The following ERBB4 variants were observed in gnomAD, a reference collection of about 807,000 sequenced individuals.
The protein encoded by ERBB4 is receptor tyrosine-protein kinase erbB-4.
In ERBB4, 42 loss-of-function variants were observed where a neutral mutation model predicts 158.0. The ratio of observed to expected loss-of-function variants is 0.27; its 90% CI spans 0.21 to 0.34. The LOEUF is 0.34. Among genes scored for constraint, ERBB4 ranks in the 10% least tolerant of loss-of-function variants. The pLI is 1.00. For missense variants in ERBB4, 1,333 were observed against 1,624.1 expected (o/e 0.82, Z 3.08); for synonymous variants, 583 against 558.7 (o/e 1.04, Z -0.61).
intron 1 of ERBB4, among the ~76,000 whole-genome samples, chr2:212,450,702 C>CA: frequency 6.6e-6 from 1 of 151,618 alleles, no homozygotes; most frequent in Admixed American, 6.6e-5. Context: ...ACACAGTCTT[C>CA]AAACCAGTAA....
intron 1 of ERBB4, among the ~76,000 whole-genome samples, chr2:212,517,425 T>G (rs1055779017): frequency 6.6e-6 from 1 of 152,074 alleles, no homozygotes; most frequent in Non-Finnish European, 1.5e-5. Flanking sequence ...TATATAGAAT[T>G]AAGGGACATG....
At chr2:211,831,314 A>G (rs939092840) in intron 3 of ERBB4, among the ~76,000 whole-genome samples, 2 of 152,166 alleles carry the variant, frequency 1.3e-5, no homozygotes, top group Non-Finnish European at 2.9e-5. Flanking sequence ...TGTTTTACTC[A>G]TGAAGGGTCA....
At chr2:211,415,443 T>C (rs1347847257) in intron 25 of ERBB4, among the ~76,000 whole-genome samples, 1 of 152,118 alleles carries the variant, frequency 6.6e-6, no homozygotes, top group African/African-American at 2.4e-5. Context: ...GAGAATGACA[T>C]CATTGTGTCT....
chr2:211,819,094 C>T (rs768620245), intron 3 of ERBB4, among the ~76,000 whole-genome samples: 3 of 152,008 alleles, frequency 2.0e-5, no homozygotes, highest in Non-Finnish European at 2.9e-5. Flanking sequence ...TGAACCTTGC[C>T]TAAAATCTTC....
At chr2:212,215,729 T>A (rs1442644998) in intron 1 of ERBB4, among the ~76,000 whole-genome samples, 1 of 151,462 alleles carries the variant, frequency 6.6e-6, no homozygotes, top group Non-Finnish European at 1.5e-5. Context: ...GAAATCCCTA[T>A]TAGCAATTTG....
At chr2:211,955,639 T>C (rs917365354) in intron 2 of ERBB4, among the ~76,000 whole-genome samples, 3 of 152,164 alleles carry the variant, frequency 2.0e-5, no homozygotes, top group Admixed American at 6.6e-5. Flanking sequence ...TCATAACAAG[T>C]AGCTGAATCT....
intron 4 of ERBB4, among the ~76,000 whole-genome samples, chr2:211,783,303 G>A (rs932773239): frequency 6.6e-6 from 1 of 152,206 alleles, no homozygotes; most frequent in Non-Finnish European, 1.5e-5. Flanking sequence ...ATATAATCAT[G>A]TCATCTGCAA....
intron 20 of ERBB4, among the ~76,000 whole-genome samples, chr2:211,535,447 T>C (rs2066618742): frequency 6.6e-6 from 1 of 152,084 alleles, no homozygotes; most frequent in Non-Finnish European, 1.5e-5. Flanking sequence ...TTAGGTATAT[T>C]ACCAAGTAGC....
chr2:212,038,898 TA>T (rs1259431358), intron 2 of ERBB4, among the ~76,000 whole-genome samples: 1 of 152,140 alleles, frequency 6.6e-6, no homozygotes, highest in Non-Finnish European at 1.5e-5. Context: ...AGAAGAAAAG[TA>T]AAGTAAAAAT....
At chr2:211,994,737 A>G (rs894518943) in intron 2 of ERBB4, among the ~76,000 whole-genome samples, 22 of 152,192 alleles carry the variant, frequency 1.4e-4, no homozygotes, top group African/African-American at 5.3e-4. Flanking sequence ...CTCAAAGCAC[A>G]GTCCAAAGAA....
chr2:211,532,563 C>T (rs1231113850), intron 20 of ERBB4, among the ~76,000 whole-genome samples: 4 of 152,008 alleles, frequency 2.6e-5, no homozygotes, highest in African/African-American at 7.2e-5. Flanking sequence ...GTTAAACATT[C>T]GGTCCTTAGT....
chr2:211,856,761 C>T (rs904030225), intron 3 of ERBB4, among the ~76,000 whole-genome samples: 13 of 152,194 alleles, frequency 8.5e-5, no homozygotes, highest in Non-Finnish European at 1.6e-4. Flanking sequence ...ATTTCCATGG[C>T]TTATCTCATT....
chr2:211,504,845 G>A (rs547230754), intron 20 of ERBB4, among the ~76,000 whole-genome samples: 3 of 152,162 alleles, frequency 2.0e-5, no homozygotes, highest in African/African-American at 7.2e-5. Flanking sequence ...AGACAAAGCA[G>A]AAAAAGGAAT....
intron 1 of ERBB4, among the ~76,000 whole-genome samples, chr2:212,530,778 C>A (rs1440125515): frequency 6.6e-6 from 1 of 152,036 alleles, no homozygotes; most frequent in Non-Finnish European, 1.5e-5. Flanking sequence ...GCACATGGGA[C>A]CAGGAGTAAG....
intron 20 of ERBB4, among the ~76,000 whole-genome samples, chr2:211,511,538 T>C (rs2065885791): frequency 6.6e-6 from 1 of 152,054 alleles, no homozygotes; most frequent in South Asian, 2.1e-4. Context: ...TTGAGCCATA[T>C]CAACCCTAAT....
rs190612704 is a variant in ERBB4 at position 211,612,849 on chromosome 2, T to G, written c.2301+6328A>C. ...AAGAAGAGGAAATTGTCCAGATGTG[T>G]TTTTGGCATAGAATCAAAGCATTTA... On this transcript the variant is annotated intron_variant, in intron 19 of 27. Transcript: ENST00000342788. Among the ~76,000 whole-genome samples the G allele has an allele frequency of 3.0e-3, 458 of 152,174 alleles. 3 individuals are homozygous for G. Among genetic ancestry groups the G allele is most frequent in the Non-Finnish European group, 2.4e-3 (164 of 67,974 alleles).
At chr2:211,958,765 C>T (rs1489583731) in intron 2 of ERBB4, among the ~76,000 whole-genome samples, 1 of 152,100 alleles carries the variant, frequency 6.6e-6, no homozygotes, top group East Asian at 1.9e-4. Flanking sequence ...ATAACATTCT[C>T]TTTCTAAGGT....
chr2:212,515,143 T>C (rs1691750394), intron 1 of ERBB4, among the ~76,000 whole-genome samples: 1 of 152,218 alleles, frequency 6.6e-6, no homozygotes. Context: ...TGGTTATGTG[T>C]GCATATGGCT....
At chr2:212,245,711 A>G (rs1056075528) in intron 1 of ERBB4, among the ~76,000 whole-genome samples, 4 of 152,100 alleles carry the variant, frequency 2.6e-5, no homozygotes, top group Non-Finnish European at 4.4e-5. Context: ...AACAACTGTC[A>G]ATGTTCCTAT....
Sources: allele counts gnomAD v4.1 joint callset (sites outside exome capture counted in the v4.1 genomes callset), GRCh38; gene constraint gnomAD v4.1.1; transcripts MANE v1.5; gene names NCBI Gene and HGNC (gene_info 2026-07-23, HGNC 2026-07-21).